The following CEP83 variants were observed in gnomAD, a reference collection of about 807,000 sequenced individuals.
CEP83 encodes the protein centrosomal protein 83, also known as centrosomal protein of 83 kDa.
CEP83 carries 70 observed loss-of-function variants against 101.9 expected under a neutral mutation model. The observed-to-expected ratio is 0.69, with a 90% CI of 0.57 to 0.84. The LOEUF (loss-of-function observed/expected upper bound fraction) is 0.84. Among genes scored for constraint, CEP83 ranks in the 40% least tolerant of loss-of-function variants. CEP83 has a pLI of 0.00. For synonymous variants in CEP83, 264 were observed against 267.9 expected, an observed-to-expected ratio of 0.99 and a Z score of 0.14; for missense variants, 715 against 787.2, an observed-to-expected ratio of 0.91 and a Z score of 1.10.
At chr12:94,398,769 C>A (rs913902202) in intron 6 of CEP83, among the ~76,000 whole-genome samples, 2 of 152,116 alleles carry the variant, frequency 1.3e-5, no homozygotes, top group African/African-American at 2.4e-5. Flanking sequence ...TCGCTAAATT[C>A]TTTTCCTGGC....
chr12:94,386,722 C>T (rs1285862170), intron 6 of CEP83, among the ~76,000 whole-genome samples: 1 of 152,156 alleles, frequency 6.6e-6, no homozygotes, highest in African/African-American at 2.4e-5. Context: ...CTATTCCATC[C>T]TAGCCAGAAG....
At chr12:94,423,649 G>A in intron 2 of CEP83, 1 of 1,556,310 alleles carries the variant, frequency 6.4e-7, no homozygotes, top group Non-Finnish European at 8.7e-7. Flanking sequence ...CCGACGGATG[G>A]TCTCCATTCC....
At chr12:94,381,007 A>G (rs2061820020) in intron 6 of CEP83, among the ~76,000 whole-genome samples, 2 of 152,200 alleles carry the variant, frequency 1.3e-5, no homozygotes, top group Non-Finnish European at 2.9e-5. Context: ...CAAAACTGCC[A>G]TCTAATTTTG....
intron 1 of CEP83, among the ~76,000 whole-genome samples, chr12:94,455,074 G>A (rs940888733): frequency 6.6e-6 from 1 of 152,156 alleles, no homozygotes; most frequent in Non-Finnish European, 1.5e-5. Flanking sequence ...ACGAGGGTCC[G>A]CAGCTTCATT....
intron 3 of CEP83, among the ~76,000 whole-genome samples, chr12:94,412,079 T>A (rs1374947323): frequency 3.3e-5 from 5 of 152,194 alleles, no homozygotes; most frequent in Admixed American, 6.5e-5. Context: ...CTGGATACAT[T>A]TAATCTTATA....
chr12:94,378,964 C>G lies in CEP83; in HGVS notation c.628G>C (p.Val210Leu). The G allele has an allele frequency of 6.2e-7, 1 of 1,614,052 alleles. No individual in the cohort carries two copies. Among genetic ancestry groups the G allele is most frequent in the Middle Eastern group, 1.7e-4 (1 of 6,060 alleles). ...ACTTTTTCTCGAGCAAGTTGTTCCA[C>G]TCGTTTGCTGTCTTTTGTGAGATCA... ...NVDLTKDSKRVEQLAREKVYL... is the reference protein window; with the variant it reads ...NVDLTKDSKRLEQLAREKVYL... Residue 210 changes from valine to leucine, a missense_variant, in exon 7 of 17, where the codon GTG (valine) becomes CTG (leucine). Coordinates refer to ENST00000397809, the MANE Select transcript of CEP83 (RefSeq NM_016122.3).
chr12:94,298,161 CTATTT>C, the CEP83 span, among the ~76,000 whole-genome samples: 6 of 152,206 alleles, frequency 3.9e-5, no homozygotes, highest in Non-Finnish European at 8.8e-5. Flanking sequence ...AGAGCCCAGC[CTATTT>C]GGCTTTTGTG....
intron 14 of CEP83, 36 bp from the exon 15 acceptor site, chr12:94,313,053 T>A: frequency 1.1e-6 from 1 of 917,832 alleles, no homozygotes. Flanking sequence ...TGTTAATACA[T>A]AATCTCTTAT....
At chr12:94,312,078 A>G (rs1969952440) in intron 15 of CEP83, among the ~76,000 whole-genome samples, 1 of 152,120 alleles carries the variant, frequency 6.6e-6, no homozygotes, top group South Asian at 2.1e-4. Context: ...CCATGTTTAA[A>G]AAAAAAAAGA....
At chr12:94,348,877 A>C (rs187858060) in intron 11 of CEP83, among the ~76,000 whole-genome samples, 306 of 152,342 alleles carry the variant, frequency 2.0e-3, no homozygotes, top group Admixed American at 4.2e-3. Flanking sequence ...GTTTTGCCTC[A>C]TCTGCCATAG....
At chr12:94,388,790 T>A (rs1052392197) in intron 6 of CEP83, among the ~76,000 whole-genome samples, 1 of 152,156 alleles carries the variant, frequency 6.6e-6, no homozygotes, top group African/African-American at 2.4e-5. Context: ...AAAACAAACA[T>A]GTAAAAAGCT....
chr12:94,290,422 G>A, the CEP83 span, among the ~76,000 whole-genome samples: 1 of 152,262 alleles, frequency 6.6e-6, no homozygotes, highest in Admixed American at 6.5e-5. Context: ...CTCGTTAATA[G>A]GAGCAGAGTC....
rs1438293810 is a variant in CEP83, at chr12:94,335,679, C to G, written c.1344-15G>C. On this transcript the variant is annotated splice_polypyrimidine_tract_variant and intron_variant, in intron 11 of 16. Coordinates refer to ENST00000397809, the MANE Select transcript of CEP83 (RefSeq NM_016122.3). ...GAAGTTTTAACCTAAAAATCACAAC[C>G]CAACAAAAGGCATTATTAAGAATCC... is the stretch of plus-strand genomic sequence containing the variant. 6.7e-7 allele frequency: 1 copy of G among 1,496,282 alleles called. No homozygotes were observed. Among genetic ancestry groups the G allele is most frequent in the Non-Finnish European group, 9.2e-7 (1 of 1,091,146 alleles). The allele number at this position is 1,496,282 out of a possible 1,614,324, so 92.7% of individuals were successfully genotyped here.
intron 11 of CEP83, among the ~76,000 whole-genome samples, chr12:94,338,775 TAGGTGAACTGG>T (rs1482644589): frequency 1.3e-5 from 2 of 152,042 alleles, no homozygotes; most frequent in African/African-American, 4.8e-5. Flanking sequence ...GCAGAAATAG[TAGGTGAACTGG>T]AGGGCCAAGT....
intron 16 of CEP83, 86 bp from the exon 17 acceptor site, chr12:94,309,003 G>A: frequency 1.2e-6 from 1 of 838,868 alleles, no homozygotes; most frequent in Non-Finnish European, 2.0e-6. Context: ...TTTTATATAT[G>A]CCTATAACAT....
intron 8 of CEP83, among the ~76,000 whole-genome samples, chr12:94,374,680 T>TGC (rs1256822136): frequency 2.0e-5 from 3 of 152,190 alleles, no homozygotes; most frequent in East Asian, 3.9e-4. Flanking sequence ...TTAGGTAACT[T>TGC]GCCTTAGGTT....
At chr12:94,277,957 C>G in the CEP83 span, 4 of 455,944 alleles carry the variant, frequency 8.8e-6, no homozygotes, top group Non-Finnish European at 1.8e-5. Context: ...CATCTCTCCC[C>G]TGAGCCCTAG....
intron 14 of CEP83, chr12:94,328,231 C>A: frequency 3.3e-6 from 1 of 304,114 alleles, no homozygotes; most frequent in Non-Finnish European, 6.7e-6. Context: ...GATCTCTCTT[C>A]AATGGGGGTG....
the CEP83 span, chr12:94,297,300 G>A: frequency 6.2e-7 from 1 of 1,613,004 alleles, no homozygotes; most frequent in Non-Finnish European, 8.5e-7. Context: ...TAACGCTTCT[G>A]CTGTCTTCCC....
Sources: allele counts gnomAD v4.1 joint callset (sites outside exome capture counted in the v4.1 genomes callset), GRCh38; gene constraint gnomAD v4.1.1; transcripts MANE v1.5; gene names NCBI Gene and HGNC (gene_info 2026-07-23, HGNC 2026-07-21).